RBFOX2: variants seen among roughly 807,000 people sequenced by gnomAD.
RBFOX2 encodes the protein RNA binding fox-1 homolog 2, also known as RNA binding protein fox-1 homolog 2.
RBFOX2 carries 10 observed loss-of-function variants against 49.1 expected under a neutral mutation model. That is an observed-to-expected ratio of 0.20 (90% CI 0.13 to 0.35). The LOEUF is 0.35. Among genes scored for constraint, RBFOX2 ranks in the 10% least tolerant of loss-of-function variants. The pLI, the probability that RBFOX2 is intolerant of heterozygous loss-of-function variation, is 1.00. For missense variants in RBFOX2, 323 were observed against 486.9 expected, an observed-to-expected ratio of 0.66 and a Z score of 3.17; for synonymous variants, 183 against 187.4, an observed-to-expected ratio of 0.98 and a Z score of 0.19.
chr22:35,974,007 T>C (rs532479273), intron 1 of RBFOX2, among the ~76,000 whole-genome samples: 1 of 152,210 alleles, frequency 6.6e-6, no homozygotes, highest in Non-Finnish European at 1.5e-5. Context: ...CATTTCCTCC[T>C]GGAACGTGGA....
At chr22:35,963,435 T>G (rs2056372284), upstream of RBFOX2, among the ~76,000 whole-genome samples, 1 of 152,224 alleles carries the variant, frequency 6.6e-6, no homozygotes, top group African/African-American at 2.4e-5. Flanking sequence ...TGATAAGCAC[T>G]AATAATTAAT....
chr22:35,971,617 T>C (rs1052663664), intron 1 of RBFOX2, among the ~76,000 whole-genome samples: 112 of 151,666 alleles, frequency 7.4e-4, no homozygotes, highest in African/African-American at 2.6e-3. Flanking sequence ...AAAACAAATA[T>C]AGAAAAGATT....
At chr22:35,761,586 C>G in intron 6 of RBFOX2, 118 bp from the exon 8 acceptor site, 1 of 993,676 alleles carries the variant, frequency 1.0e-6, no homozygotes, top group Non-Finnish European at 1.6e-6. Context: ...ATCAACTTCT[C>G]TTTGGAATTC....
intron 2 of RBFOX2, among the ~76,000 whole-genome samples, chr22:35,803,965 T>A (rs28837837): frequency 6.6e-6 from 1 of 152,198 alleles, no homozygotes; most frequent in Non-Finnish European, 1.5e-5. Flanking sequence ...AAAACCCCTA[T>A]GGGAGAACAC....
At chr22:35,994,193 GGTGAAACT>G (rs2058091497) in intron 1 of RBFOX2, 2 of 149,992 alleles carry the variant, frequency 1.3e-5, no homozygotes, top group African/African-American at 4.9e-5. Flanking sequence ...AAAAAAAAAA[GGTGAAACT>G]AATTTTAAGA....
At chr22:35,853,432 G>T (rs1327279836) in intron 1 of RBFOX2, among the ~76,000 whole-genome samples, 2 of 152,026 alleles carry the variant, frequency 1.3e-5, no homozygotes, top group East Asian at 3.9e-4. Flanking sequence ...AATTATGTAT[G>T]TAATTAGACT....
chr22:35,825,037 T>C (rs1183285833), intron 1 of RBFOX2, among the ~76,000 whole-genome samples: 1 of 152,190 alleles, frequency 6.6e-6, no homozygotes, highest in Non-Finnish European at 1.5e-5. Context: ...CTGGCCAATA[T>C]GGCAAAACCC....
At chr22:35,947,588 C>A (rs753616734) in intron 1 of RBFOX2, among the ~76,000 whole-genome samples, 1 of 141,670 alleles carries the variant, frequency 7.1e-6, no homozygotes, top group Non-Finnish European at 1.5e-5. Flanking sequence ...AGGTGGAAAG[C>A]ATACTGATGA....
At chr22:35,836,807 G>T (rs1294574538) in intron 1 of RBFOX2, among the ~76,000 whole-genome samples, 2 of 152,138 alleles carry the variant, frequency 1.3e-5, no homozygotes, top group African/African-American at 4.8e-5. Flanking sequence ...TTTGAGTTTG[G>T]CTAAACATTT....
At chr22:35,937,421 TAAC>T (rs2053212288) in intron 1 of RBFOX2, among the ~76,000 whole-genome samples, 1 of 152,198 alleles carries the variant, frequency 6.6e-6, no homozygotes, top group Admixed American at 6.5e-5. Context: ...AACACAGAGC[TAAC>T]AACACTTCTT....
chr22:35,881,818 G>C (rs1007177369), intron 1 of RBFOX2, among the ~76,000 whole-genome samples: 14 of 151,676 alleles, frequency 9.2e-5, no homozygotes, highest in African/African-American at 3.1e-4. Flanking sequence ...AATTAGCCGG[G>C]TGTAGTGGCA....
chr22:35,948,238 G>C (rs908500600), intron 1 of RBFOX2, among the ~76,000 whole-genome samples: 8 of 152,232 alleles, frequency 5.3e-5, no homozygotes, highest in Admixed American at 3.3e-4. Context: ...GTATGACAAC[G>C]TATGCTTCAT....
In RBFOX2 at chr22:35,781,589, C is replaced by T. The variant is rs765196558; in HGVS notation, c.399+11G>A. Reference sequence around the variant, plus strand: ...AATTGTAAAATCCATAAAAAGACTTCAGAGACTTACCCCAAACATCTGCCG... The same window carrying T: ...AATTGTAAAATCCATAAAAAGACTTTAGAGACTTACCCCAAACATCTGCCG... On this transcript the variant is annotated intron_variant, in intron 3 of 11. Transcript: ENST00000405409. The T allele has an allele frequency of 1.2e-5, 19 of 1,611,838 alleles. No individual in the cohort carries two copies. The highest frequency in any genetic ancestry group is 1.6e-5 in the Non-Finnish European group (19 of 1,179,096).
chr22:35,873,605 A>AT (rs1313427804), intron 1 of RBFOX2, among the ~76,000 whole-genome samples: 1 of 152,016 alleles, frequency 6.6e-6, no homozygotes, highest in Non-Finnish European at 1.5e-5. Flanking sequence ...TGTCACCCCA[A>AT]TTTTTTACAT....
chr22:35,800,857 T>C (rs1297357110), intron 2 of RBFOX2, among the ~76,000 whole-genome samples: 2 of 152,212 alleles, frequency 1.3e-5, no homozygotes, highest in Admixed American at 6.5e-5. Flanking sequence ...ATATGTTACA[T>C]AAACAGCAGT....
At chr22:35,890,862 A>G (rs1410019867) in intron 1 of RBFOX2, among the ~76,000 whole-genome samples, 1 of 152,050 alleles carries the variant, frequency 6.6e-6, no homozygotes, top group African/African-American at 2.4e-5. Context: ...ATGAAATAAG[A>G]GCCATAGTTT....
chr22:35,775,042 C>T (rs1324930499), intron 4 of RBFOX2, among the ~76,000 whole-genome samples: 1 of 152,130 alleles, frequency 6.6e-6, no homozygotes, highest in Admixed American at 6.6e-5. Flanking sequence ...CTATATAAAG[C>T]CTCCTTTTCT....
chr22:35,808,429 G>A (rs1951168896), intron 2 of RBFOX2, among the ~76,000 whole-genome samples: 1 of 152,118 alleles, frequency 6.6e-6, no homozygotes, highest in African/African-American at 2.4e-5. Context: ...TCCATCCTTA[G>A]CAAGTGGCTT....
At chr22:35,746,026 A>C in intron 10 of RBFOX2, 31 bp from the exon 13 acceptor site, 1 of 1,570,802 alleles carries the variant, frequency 6.4e-7, no homozygotes, top group Non-Finnish European at 8.8e-7. Context: ...CAGACAGATA[A>C]AGAAAAGTGT....
Sources: gnomAD v4.1 joint callset for allele counts (sites outside exome capture counted in the v4.1 genomes callset) on GRCh38, gnomAD v4.1.1 for gene constraint, MANE v1.5 for transcripts, NCBI Gene and HGNC (gene_info 2026-07-23, HGNC 2026-07-21) for gene names.